The following GDPD4 variants were observed in gnomAD, a reference collection of about 807,000 sequenced individuals.
GDPD4 encodes the protein glycerophosphodiester phosphodiesterase 6.
In GDPD4, 60 loss-of-function variants were observed where a neutral mutation model predicts 67.8. That is an observed-to-expected ratio of 0.88 (90% CI 0.72 to 1.10). GDPD4 has a LOEUF of 1.10. Ranked by LOEUF, GDPD4 falls within the 50% of genes least tolerant of loss-of-function variation. The probability of loss-of-function intolerance (pLI) is 0.00; values close to 1 mark genes in which losing one functional copy is unlikely to be tolerated. For missense variants in GDPD4, 623 were observed against 613.9 expected, an observed-to-expected ratio of 1.01 and a Z score of -0.16; for synonymous variants, 212 against 210.9, an observed-to-expected ratio of 1.00 and a Z score of -0.04.
At chr11:77,269,729 A>C (rs1184327792) in intron 8 of GDPD4, among the ~76,000 whole-genome samples, 154 bp downstream of exon 8, 1 of 152,020 alleles carries the variant, frequency 6.6e-6, no homozygotes, top group East Asian at 1.9e-4. Flanking sequence ...ACATACACAC[A>C]CATTCACATA....
chr11:77,289,787 G>A (rs1190453787), intron 1 of GDPD4, among the ~76,000 whole-genome samples: 1 of 116,534 alleles, frequency 8.6e-6, no homozygotes. Flanking sequence ...GGAGGGGAGG[G>A]AAAGAGAGAG....
intron 1 of GDPD4, among the ~76,000 whole-genome samples, chr11:77,297,241 A>T (rs1255325302): frequency 6.6e-6 from 1 of 151,722 alleles, no homozygotes; most frequent in East Asian, 2.0e-4. Flanking sequence ...TAAATAGTTC[A>T]TAATTTAAAA....
chr11:77,271,202 G>C lies in GDPD4; in HGVS notation c.328C>G (p.Leu110Val), dbSNP rs375206286. ...SMQIFAPYVH[L>V]VSITVMVILF... ...ATAACCATCACAGTTATGCTGACCA[G>C]GTGCACGTAGGGAGCAAAGATCTGT... The change falls in exon 7 of 17, where the codon CTG (leucine) becomes GTG (valine). Residue 110 changes from leucine to valine, a missense_variant. Coordinates refer to ENST00000315938, the MANE Select transcript of GDPD4 (RefSeq NM_182833.3). The C allele has an allele frequency of 5.0e-6, 8 of 1,612,932 alleles. No homozygotes were observed. In the African/African-American group the frequency reaches 1.1e-4, roughly 22 times the overall value.
At chr11:77,259,567 C>CAAAAAA (rs58042628) in intron 10 of GDPD4, among the ~76,000 whole-genome samples, 1 of 143,886 alleles carries the variant, frequency 6.9e-6, no homozygotes, top group Non-Finnish European at 1.5e-5. Flanking sequence ...CTGAGAAAAG[C>CAAAAAA]AAAAAAAAAA....
intron 2 of GDPD4, among the ~76,000 whole-genome samples, chr11:77,286,061 A>C (rs1307666747): frequency 6.6e-6 from 1 of 152,158 alleles, no homozygotes; most frequent in Non-Finnish European, 1.5e-5. Context: ...AAACCACACA[A>C]CATTGGACCC....
intron 16 of GDPD4, among the ~76,000 whole-genome samples, chr11:77,220,540 T>C (rs1028618614): frequency 2.6e-5 from 4 of 152,242 alleles, no homozygotes; most frequent in Non-Finnish European, 5.9e-5. Context: ...CAGCCTTGCA[T>C]CCCAGGGATG....
At chr11:77,219,153 A>AT (rs1265738121) in intron 16 of GDPD4, among the ~76,000 whole-genome samples, 10 of 152,126 alleles carry the variant, frequency 6.6e-5, no homozygotes, top group African/African-American at 2.2e-4. Flanking sequence ...GACGATGAGC[A>AT]TTTTTTCATG....
intron 3 of GDPD4, among the ~76,000 whole-genome samples, chr11:77,282,911 T>TA (rs1274476081): frequency 6.6e-6 from 1 of 151,988 alleles, no homozygotes; most frequent in Non-Finnish European, 1.5e-5. Context: ...ACAGAAAGGT[T>TA]AAAAAAATAA....
At chr11:77,296,759 A>C (rs2135899226) in intron 1 of GDPD4, among the ~76,000 whole-genome samples, 1 of 151,546 alleles carries the variant, frequency 6.6e-6, no homozygotes, top group South Asian at 2.1e-4. Flanking sequence ...ATGGCTGTGT[A>C]AAAAAAAATT....
At chr11:77,301,491 G>A (rs1565553259) in intron 1 of GDPD4, 114 bp downstream of exon 1, 1 of 152,248 alleles carries the variant, frequency 6.6e-6, no homozygotes, top group Non-Finnish European at 1.5e-5. Context: ...CCGACAGAGT[G>A]AGCGAACAAC....
intron 16 of GDPD4, among the ~76,000 whole-genome samples, chr11:77,219,053 T>C (rs1308792073): frequency 2.0e-5 from 3 of 152,236 alleles, no homozygotes; most frequent in Non-Finnish European, 2.9e-5. Flanking sequence ...CCAGCACCTG[T>C]TGTTTCCTGA....
At chr11:77,300,639 C>T (rs1198859515) in intron 1 of GDPD4, among the ~76,000 whole-genome samples, 1 of 152,074 alleles carries the variant, frequency 6.6e-6, no homozygotes, top group Non-Finnish European at 1.5e-5. Flanking sequence ...TCAACAAATG[C>T]AGAGTGTACT....
intron 1 of GDPD4, among the ~76,000 whole-genome samples, chr11:77,298,734 C>T (rs1006870585): frequency 2.6e-5 from 4 of 151,982 alleles, no homozygotes; most frequent in Non-Finnish European, 1.5e-5. Flanking sequence ...GCTATGTTAA[C>T]AGAGATTCTT....
chr11:77,243,563 A>G, intron 13 of GDPD4, 131 bp downstream of exon 13: 1 of 769,574 alleles, frequency 1.3e-6, no homozygotes, highest in East Asian at 2.6e-5. Flanking sequence ...GGAAAAAGAA[A>G]GGAGATTCAA....
rs765567778 is a variant in GDPD4 at position 77,243,754 on chromosome 11, G to A, written c.1181C>T (p.Ala394Val). The change falls in exon 13 of 17, where the codon GCT (alanine) becomes GTT (valine). Residue 394 changes from alanine to valine, a missense_variant. Transcript: ENST00000315938. ...ATTTATTATACTGATATTGTTTTTA[G>A]CAAGGGTTTCAATGGATACTAAACG... is the stretch of plus-strand genomic sequence containing the variant. ...VGRLVSIETL[A>V]KNNISIINVD... 35 of 1,611,974 alleles carry A rather than the reference G, an allele frequency of 2.2e-5. No homozygotes were observed. In the South Asian group the frequency reaches 3.7e-4, roughly 17 times the overall value.
At chr11:77,217,604 C>T (rs1033868267) in intron 16 of GDPD4, among the ~76,000 whole-genome samples, 3 of 152,178 alleles carry the variant, frequency 2.0e-5, no homozygotes, top group Admixed American at 6.5e-5. Context: ...ATTCCATAGC[C>T]ATTAAATTAG....
chr11:77,281,346 AAAGAT>A (rs1388552712), intron 3 of GDPD4, among the ~76,000 whole-genome samples: 1 of 152,136 alleles, frequency 6.6e-6, no homozygotes, highest in African/African-American at 2.4e-5. Flanking sequence ...GATGAGAAAA[AAAGAT>A]ACCATCGATG....
intron 3 of GDPD4, among the ~76,000 whole-genome samples, chr11:77,283,031 T>C (rs1959830594): frequency 6.6e-6 from 1 of 152,198 alleles, no homozygotes; most frequent in Non-Finnish European, 1.5e-5. Flanking sequence ...TGCTGCAACT[T>C]TGCACTAAGA....
At chr11:77,235,197 C>T (rs2135833782) in intron 13 of GDPD4, among the ~76,000 whole-genome samples, 1 of 151,882 alleles carries the variant, frequency 6.6e-6, no homozygotes, top group South Asian at 2.1e-4. Flanking sequence ...ATCCTTTACC[C>T]ACTTTCTTAA....
Sources: gnomAD v4.1 joint callset for allele counts (sites outside exome capture counted in the v4.1 genomes callset) on GRCh38, gnomAD v4.1.1 for gene constraint, MANE v1.5 for transcripts, NCBI Gene and HGNC (gene_info 2026-07-23, HGNC 2026-07-21) for gene names.